The following EVI2B variants were observed in gnomAD, a reference collection of about 807,000 sequenced individuals.
EVI2B encodes ecotropic viral integration site 2B.
Under a neutral mutation model 6.6 loss-of-function variants are expected in EVI2B, and 4 were observed. The ratio of observed to expected loss-of-function variants is 0.61; its 90% CI spans 0.30 to 1.39. EVI2B has a LOEUF of 1.39. Among genes scored for constraint, EVI2B ranks in the 40% most tolerant of loss-of-function variants. EVI2B has a pLI of 0.08. For missense variants in EVI2B, 484 were observed against 516.6 expected (o/e 0.94, Z 0.61); for synonymous variants, 181 against 186.8 (o/e 0.97, Z 0.25).
At chr17:31,313,722 ATGTGTGTGTGTGTGTGTG>A (rs60267436) in intron 1 of EVI2B, among the ~76,000 whole-genome samples, 6 of 139,054 alleles carry the variant, frequency 4.3e-5, no homozygotes, top group Middle Eastern at 7.1e-3. Flanking sequence ...AAAAAAAAAT[ATGTGTGTGTGTGTGTGTG>A]TGTGTGTGTG....
chr17:31,305,662 A>C, intron 1 of EVI2B, 32 bp from the exon 2 acceptor site: 1 of 1,543,794 alleles, frequency 6.5e-7, no homozygotes. Flanking sequence ...AGAGAAAGAC[A>C]GTTAGGCGTC....
In EVI2B at chr17:31,304,210, GAA is replaced by G; in HGVS notation, c.*51_*52del. The G allele has an allele frequency of 2.7e-6, 4 of 1,497,850 alleles. No homozygotes were observed. The highest frequency in any genetic ancestry group is 1.3e-5 in the South Asian group (1 of 74,146). The allele number at this position is 1,497,850 out of a possible 1,614,324, so 92.8% of individuals were successfully genotyped here. On this transcript the variant is annotated 3_prime_UTR_variant, in exon 2 of 2. Transcript: ENST00000330927. ...CATTTTATATATGTTAACATATAAAGAAAAAAGAGTCATTTGAGGATGGAAGA... is the reference window on the plus strand; with the variant it reads ...CATTTTATATATGTTAACATATAAAGAAAAGAGTCATTTGAGGATGGAAGA...
intron 1 of EVI2B, among the ~76,000 whole-genome samples, chr17:31,312,599 A>G (rs2068907106): frequency 6.6e-6 from 1 of 152,086 alleles, no homozygotes; most frequent in African/African-American, 2.4e-5. Context: ...ATTTTATGAA[A>G]TATGACAGTG....
In EVI2B at chr17:31,304,983, A is replaced by T; in HGVS notation, c.627T>A (p.Gly209=). 1 of 1,614,216 alleles carries T rather than the reference A, an allele frequency of 6.2e-7. No individual in the cohort carries two copies. Among genetic ancestry groups the T allele is most frequent in the Non-Finnish European group, 8.5e-7 (1 of 1,180,038 alleles). ...CTACCAACATAGAAGTCAGAAGTAC[A>T]CCAATTAGTATGGCAGCTATTGAAT... The part of the protein sequence containing the change: ...NYNSIAAILI[G]VLLTSMLVAI... The change falls in exon 2 of 2, where the codon GGT becomes GGA. Residue 209 remains glycine (G), a synonymous_variant. Transcript: ENST00000330927.
rs773591315 is a variant in EVI2B, at chr17:31,305,041, C to T, written c.569G>A (p.Ser190Asn). 3 of 1,614,194 alleles carry T rather than the reference C, an allele frequency of 1.9e-6. No individual in the cohort carries two copies. Among genetic ancestry groups the T allele is most frequent in the Non-Finnish European group, 2.5e-6 (3 of 1,180,034 alleles). The change falls in exon 2 of 2, where the codon AGT becomes AAT. Residue 190 changes from serine (S) to asparagine (N), a missense_variant. Transcript: ENST00000330927. ...STPGFILDTT[S>N]NKQTPQKNNY... is the part of the protein sequence containing the mutation. ...GTTTTTTTGTGGGGTTTGTTTGTTA[C>T]TGGTAGTATCTAAGATAAATCCTGG...
At chr17:31,308,830 C>A (rs2151514299) in intron 1 of EVI2B, among the ~76,000 whole-genome samples, 1 of 152,252 alleles carries the variant, frequency 6.6e-6, no homozygotes, top group South Asian at 2.1e-4. Flanking sequence ...TGGTTCCTTA[C>A]ATAATTCATG....
chr17:31,306,038 C>T (rs1026437752), intron 1 of EVI2B, among the ~76,000 whole-genome samples: 4 of 152,060 alleles, frequency 2.6e-5, no homozygotes, highest in African/African-American at 9.7e-5. Flanking sequence ...TATTGATTCT[C>T]CTGCCTTGAA....
intron 1 of EVI2B, among the ~76,000 whole-genome samples, chr17:31,308,507 G>A (rs1490530053): frequency 2.0e-5 from 3 of 152,098 alleles, no homozygotes; most frequent in South Asian, 2.1e-4. Flanking sequence ...CCAGATTCAC[G>A]TATCATGACT....
chr17:31,313,938 A>G (rs1392203821), intron 1 of EVI2B, 41 bp downstream of exon 1: 1 of 397,666 alleles, frequency 2.5e-6, no homozygotes, highest in Admixed American at 4.4e-5. Flanking sequence ...TAAATTTTAT[A>G]TAAAGCAAGA....
At chr17:31,310,702 G>A (rs531027240) in intron 1 of EVI2B, among the ~76,000 whole-genome samples, 3 of 151,716 alleles carry the variant, frequency 2.0e-5, no homozygotes, top group Admixed American at 6.6e-5. Flanking sequence ...CCATGTACCC[G>A]TGTACGTTTT....
chr17:31,304,516 G>C lies in EVI2B; in HGVS notation c.1094C>G (p.Pro365Arg). 2 of 1,614,178 alleles carry C rather than the reference G, an allele frequency of 1.2e-6. No homozygotes were observed. The highest frequency in any genetic ancestry group is 8.5e-7 in the Non-Finnish European group (1 of 1,180,024). The part of the protein sequence containing the change: ...SDKPTMTIVS[P>R]LPNDSTSLPP... ...GAGACTAGTAGAATCATTTGGAAGA[G>C]GAGATACAATTGTCATTGTGGGTTT... is the stretch of plus-strand genomic sequence containing the variant. The change falls in exon 2 of 2, where the codon CCT (proline) becomes CGT (arginine). Residue 365 changes from proline to arginine, a missense_variant. Pro to Arg is a moderately radical substitution (Grantham distance 103, BLOSUM62 -2). Transcript: ENST00000330927.
chr17:31,304,962 C>T lies in EVI2B; in HGVS notation c.648G>A (p.Leu216=). 2.5e-6 allele frequency: 4 copies of T among 1,614,054 alleles called. No homozygotes were observed. The highest frequency in any genetic ancestry group is 3.4e-6 in the Non-Finnish European group (4 of 1,179,996). Residue 216 remains leucine, a synonymous_variant, in exon 2 of 2, where the codon TTG becomes TTA. Coordinates refer to ENST00000330927, the MANE Select transcript of EVI2B (RefSeq NM_006495.4). ...AAAGTACAATGATGATTATAGCTAC[C>T]AACATAGAAGTCAGAAGTACACCAA... is the stretch of plus-strand genomic sequence containing the variant. The part of the protein sequence containing the change: ...ILIGVLLTSM[L]VAIIIIVLWK...
At chr17:31,307,325 C>T (rs772299730) in intron 1 of EVI2B, among the ~76,000 whole-genome samples, 1 of 152,216 alleles carries the variant, frequency 6.6e-6, no homozygotes, top group East Asian at 1.9e-4. Flanking sequence ...GGCCCAATTA[C>T]AATAATTTGA....
chr17:31,305,668 G>A (rs768495636), intron 1 of EVI2B, 38 bp from the exon 2 acceptor site: 2 of 1,529,522 alleles, frequency 1.3e-6, no homozygotes, highest in Non-Finnish European at 1.8e-6. Flanking sequence ...AGACAGTTAG[G>A]CGTCATTGGT....
At chr17:31,309,179 A>G (rs1040423400) in intron 1 of EVI2B, among the ~76,000 whole-genome samples, 1 of 152,186 alleles carries the variant, frequency 6.6e-6, no homozygotes, top group Non-Finnish European at 1.5e-5. Flanking sequence ...CAAAGCATAC[A>G]TTCTTTCTGC....
rs762670418 is a variant in EVI2B at position 31,304,339 on chromosome 17, T to G, written c.1271A>C (p.Gln424Pro). ...AGAGTTGGGAGGAATAGAGAACTCCTGACACTGGATCTCAAGGTTGGAATC... is the reference window on the plus strand; with the variant it reads ...AGAGTTGGGAGGAATAGAGAACTCCGGACACTGGATCTCAAGGTTGGAATC... Reference protein sequence around the residue: ...QEDSNLEIQCQEFSIPPNSDQ... With the variant: ...QEDSNLEIQCPEFSIPPNSDQ... Residue 424 changes from glutamine (Q) to proline (P), a missense_variant, in exon 2 of 2, where the codon CAG becomes CCG. By Grantham distance (76) the Gln-to-Pro change is moderately conservative. Transcript: ENST00000330927. 1.9e-6 allele frequency: 3 copies of G among 1,614,192 alleles called. No individual in the cohort carries two copies. The South Asian group carries it at 3.3e-5, about 18-fold the overall frequency.
At chr17:31,308,971 T>C (rs1388872292) in intron 1 of EVI2B, among the ~76,000 whole-genome samples, 1 of 152,220 alleles carries the variant, frequency 6.6e-6, no homozygotes, top group Non-Finnish European at 1.5e-5. Flanking sequence ...AAAATACTTA[T>C]CTAGAGCATA....
rs2068646254 is a variant in EVI2B, at chr17:31,304,283, G to A, written c.1327C>T (p.Pro443Ser). The A allele has an allele frequency of 4.3e-6, 7 of 1,610,904 alleles. No individual in the cohort carries two copies. Among genetic ancestry groups the A allele is most frequent in the Non-Finnish European group, 4.2e-6 (5 of 1,178,696 alleles). ...AATATTTATAACAGTTCTGCAGGTGGAGGTGGCAGGGATTCATTAAGATCT... is the reference window on the plus strand; with the variant it reads ...AATATTTATAACAGTTCTGCAGGTGAAGGTGGCAGGGATTCATTAAGATCT... ...DQDLNESLPP[P>S]PAELL The change falls in exon 2 of 2, where the codon CCA (proline) becomes TCA (serine). Residue 443 changes from proline (P) to serine (S), a missense_variant. By Grantham distance (74) the Pro-to-Ser change is moderately conservative. Transcript: ENST00000330927.
chr17:31,304,103 A>G lies in EVI2B; in HGVS notation c.*160T>C, dbSNP rs2068641593. The G allele has an allele frequency of 1.6e-6, 1 of 631,798 alleles. No homozygotes were observed. Among genetic ancestry groups the G allele is most frequent in the South Asian group, 2.7e-5 (1 of 37,182 alleles). 39.1% of individuals were successfully genotyped at this position (631,798 alleles called of 1,614,324 possible). A position where few individuals can be genotyped will look rare whatever the true frequency, so the allele number is the denominator to read the frequency against. ...ATTACTGTTAAATAACTTTTTTTAAAAAAAAGTTTCATCTATGCACATAGG... is the reference window on the plus strand; with the variant it reads ...ATTACTGTTAAATAACTTTTTTTAAGAAAAAGTTTCATCTATGCACATAGG... On this transcript the variant is annotated 3_prime_UTR_variant, in exon 2 of 2. Transcript: ENST00000330927.
Sources: allele counts gnomAD v4.1 joint callset (sites outside exome capture counted in the v4.1 genomes callset), GRCh38; gene constraint gnomAD v4.1.1; transcripts MANE v1.5; gene names NCBI Gene and HGNC (gene_info 2026-07-23, HGNC 2026-07-21).